Variants in F2R observed in about 807,000 individuals in gnomAD.
F2R encodes proteinase-activated receptor 1.
A neutral mutation model predicts 18.3 loss-of-function variants in F2R; 12 were observed. The ratio of observed to expected loss-of-function variants is 0.66; its 90% CI spans 0.42 to 1.06. F2R has a LOEUF of 1.06. Among genes scored for constraint, F2R ranks in the 50% least tolerant of loss-of-function variants. The pLI, the probability that F2R is intolerant of heterozygous loss-of-function variation, is 0.00. For missense variants in F2R, 438 were observed against 530.8 expected (o/e 0.83, Z 1.72); for synonymous variants, 210 against 219.9 (o/e 0.95, Z 0.40).
intron 1 of F2R, among the ~76,000 whole-genome samples, chr5:76,722,369 G>A (rs549267906): frequency 2.6e-5 from 4 of 152,194 alleles, no homozygotes; most frequent in African/African-American, 7.2e-5. Context: ...GGGGAAAGCC[G>A]GGGAACCTGA....
rs954980124 is a variant in F2R at position 76,734,559 on chromosome 5, T to G, written c.*1056T>G. 1 of 152,352 alleles carries G rather than the reference T, an allele frequency of 6.6e-6. No homozygotes were observed. The highest frequency in any genetic ancestry group is 1.5e-5 in the Non-Finnish European group (1 of 68,062). 9.4% of individuals were successfully genotyped at this position (152,352 alleles called of 1,614,324 possible). ...GACTTCTGGATGCCCATCCACTGGG[T>G]GTAAACACATCTAGTAGTTGTTCTG... On this transcript the variant is annotated 3_prime_UTR_variant, in exon 2 of 2. Coordinates refer to ENST00000319211, the MANE Select transcript of F2R (RefSeq NM_001992.5).
chr5:76,732,179 A>G (rs564797854), intron 1 of F2R, 135 bp from the exon 2 acceptor site: 2 of 650,296 alleles, frequency 3.1e-6, no homozygotes, highest in Non-Finnish European at 5.2e-6. Flanking sequence ...CTATTTGTGC[A>G]TTATCTGCTC....
chr5:76,716,155 G>A lies in F2R; in HGVS notation c.-153G>A. On this transcript the variant is annotated 5_prime_UTR_variant, in exon 1 of 2. Coordinates refer to ENST00000319211, the MANE Select transcript of F2R (RefSeq NM_001992.5). ...GCCCCAGACACAGCGCTCGCCGAGG[G>A]TCGCTTGGACCCTGATCTTACCCGT... 2.0e-6 allele frequency: 1 copy of A among 510,176 alleles called. No individual in the cohort carries two copies. Among genetic ancestry groups the A allele is most frequent in the Non-Finnish European group, 3.1e-6 (1 of 322,474 alleles). The allele number at this position is 510,176 out of a possible 1,614,324, so 31.6% of individuals were successfully genotyped here.
intron 1 of F2R, among the ~76,000 whole-genome samples, chr5:76,722,111 C>T (rs1166048913): frequency 2.0e-5 from 3 of 152,142 alleles, no homozygotes; most frequent in Admixed American, 6.5e-5. Flanking sequence ...TTCAGATATA[C>T]AGACTGCAGA....
At chr5:76,721,044 C>T (rs1344380422) in intron 1 of F2R, among the ~76,000 whole-genome samples, 4 of 152,164 alleles carry the variant, frequency 2.6e-5, no homozygotes, top group African/African-American at 4.8e-5. Context: ...TGGGATCAAG[C>T]GATCCACCTA....
At chr5:76,725,432 A>G (rs1203704613) in intron 1 of F2R, among the ~76,000 whole-genome samples, 1 of 152,160 alleles carries the variant, frequency 6.6e-6, no homozygotes, top group Non-Finnish European at 1.5e-5. Flanking sequence ...ACCAAAAAAA[A>G]AAACAGAGAT....
intron 1 of F2R, chr5:76,716,704 C>T (rs1174444390): frequency 1.4e-6 from 1 of 721,472 alleles, no homozygotes; most frequent in Admixed American, 2.0e-5. Context: ...TTGCACTTGT[C>T]ATTGTGTTTC....
At chr5:76,724,594 C>A (rs1189037583) in intron 1 of F2R, among the ~76,000 whole-genome samples, 2 of 147,032 alleles carry the variant, frequency 1.4e-5, no homozygotes, top group East Asian at 2.1e-4. Flanking sequence ...ACTAAGCCAT[C>A]TGTCTTTTCT....
chr5:76,731,756 C>T lies in F2R; in HGVS notation c.89-558C>T, dbSNP rs1019723970. Reference sequence around the variant, plus strand: ...TCTTGGCCAGGCTAGTCTTGAACTCCTGACCTTGTGATCCACCCACCTCGG... The same window carrying T: ...TCTTGGCCAGGCTAGTCTTGAACTCTTGACCTTGTGATCCACCCACCTCGG... On this transcript the variant is annotated intron_variant, in intron 1 of 1. Coordinates refer to ENST00000319211, the MANE Select transcript of F2R (RefSeq NM_001992.5). Among the ~76,000 whole-genome samples the T allele has an allele frequency of 2.6e-5, 4 of 152,050 alleles. No homozygotes were observed. In the South Asian group the frequency reaches 8.3e-4, roughly 32 times the overall value.
intron 1 of F2R, chr5:76,716,720 G>A (rs1748351028): frequency 1.5e-6 from 1 of 686,622 alleles, no homozygotes; most frequent in Non-Finnish European, 2.6e-6. Context: ...GTTTCTCCCA[G>A]GACCACCCCC....
rs763954114 is a variant in F2R at position 76,733,642 on chromosome 5, G to A, written c.*139G>A. The A allele has an allele frequency of 1.5e-6, 1 of 655,726 alleles. No individual in the cohort carries two copies. Among genetic ancestry groups the A allele is most frequent in the Non-Finnish European group, 2.5e-6 (1 of 393,084 alleles). 40.6% of individuals were successfully genotyped at this position (655,726 alleles called of 1,614,324 possible). A position where few individuals can be genotyped will look rare whatever the true frequency, so the allele number is the denominator to read the frequency against. On this transcript the variant is annotated 3_prime_UTR_variant, in exon 2 of 2. Coordinates refer to ENST00000319211, the MANE Select transcript of F2R (RefSeq NM_001992.5). ...CGACTTGCATACCTGCTTTTTATGG[G>A]AGCTGTCAAGCATGTATTTTTGTCA... is the stretch of plus-strand genomic sequence containing the variant.
chr5:76,718,393 G>A (rs1446031810), intron 1 of F2R, among the ~76,000 whole-genome samples: 2 of 152,188 alleles, frequency 1.3e-5, no homozygotes, highest in African/African-American at 2.4e-5. Context: ...GTGGTGCTGG[G>A]ACTCTGAGGC....
At chr5:76,726,494 G>A (rs1302684392) in intron 1 of F2R, among the ~76,000 whole-genome samples, 8 of 151,650 alleles carry the variant, frequency 5.3e-5, no homozygotes, top group South Asian at 2.1e-4. Context: ...TAGAGATAGC[G>A]CCACTGCAGT....
chr5:76,727,134 A>G (rs1748575511), intron 1 of F2R, among the ~76,000 whole-genome samples: 1 of 152,226 alleles, frequency 6.6e-6, no homozygotes, highest in Non-Finnish European at 1.5e-5. Flanking sequence ...TAACTTAATT[A>G]AGTGAGCAAA....
intron 1 of F2R, 139 bp from the exon 2 acceptor site, chr5:76,732,175 G>A: frequency 3.1e-6 from 2 of 638,010 alleles, no homozygotes; most frequent in Non-Finnish European, 5.3e-6. Context: ...AAGTCTATTT[G>A]TGCATTATCT....
intron 1 of F2R, among the ~76,000 whole-genome samples, chr5:76,731,347 G>A (rs1226850468): frequency 6.6e-6 from 1 of 151,964 alleles, no homozygotes; most frequent in African/African-American, 2.4e-5. Context: ...GGTGGCACGT[G>A]CCTGTAATCC....
chr5:76,725,891 G>A (rs1748544544), intron 1 of F2R, among the ~76,000 whole-genome samples: 1 of 152,168 alleles, frequency 6.6e-6, no homozygotes, highest in Non-Finnish European at 1.5e-5. Flanking sequence ...GTAAAGTCTA[G>A]TGACAGTTTT....
intron 1 of F2R, among the ~76,000 whole-genome samples, chr5:76,723,955 T>A (rs1748512848): frequency 6.6e-6 from 1 of 152,222 alleles, no homozygotes; most frequent in Non-Finnish European, 1.5e-5. Context: ...GATATCATAT[T>A]ATGTCATTCA....
Position 76,733,678 on chromosome 5 carries a change from A to C in F2R, c.*175A>C. 1.7e-6 allele frequency: 1 copy of C among 592,100 alleles called. No individual in the cohort carries two copies. Among genetic ancestry groups the C allele is most frequent in the Non-Finnish European group, 3.0e-6 (1 of 337,546 alleles). The allele number at this position is 592,100 out of a possible 1,614,324, so 36.7% of individuals were successfully genotyped here. ...CATGTATTTTTGTCAATTACCAGAA[A>C]GATAACAGGACGAGATGACGGTGTT... On this transcript the variant is annotated 3_prime_UTR_variant, in exon 2 of 2. Transcript: ENST00000319211.
Sources: allele counts gnomAD v4.1 joint callset (sites outside exome capture counted in the v4.1 genomes callset), GRCh38; gene constraint gnomAD v4.1.1; transcripts MANE v1.5; gene names NCBI Gene and HGNC (gene_info 2026-07-23, HGNC 2026-07-21).